The following TERF1 variants were observed in gnomAD, a reference collection of about 807,000 sequenced individuals.
TERF1 encodes telomeric repeat-binding factor 1.
Under a neutral mutation model 55.1 loss-of-function variants are expected in TERF1, and 20 were observed. The ratio of observed to expected loss-of-function variants is 0.36; its 90% CI spans 0.26 to 0.53. The LOEUF (loss-of-function observed/expected upper bound fraction) is 0.53, where lower values mean the gene tolerates loss of function less well. TERF1 is among the 20% of genes least tolerant of loss of function. The pLI, the probability that TERF1 is intolerant of heterozygous loss-of-function variation, is 0.91. For missense variants in TERF1, 439 were observed against 535.7 expected, an observed-to-expected ratio of 0.82 and a Z score of 1.78; for synonymous variants, 168 against 181.2, an observed-to-expected ratio of 0.93 and a Z score of 0.59.
intron 5 of TERF1, 37 bp downstream of exon 5, chr8:73,025,008 TAAAGG>T (rs770740169): frequency 2.4e-6 from 3 of 1,265,512 alleles, no homozygotes; most frequent in South Asian, 1.5e-5. Context: ...ATAATAGACT[TAAAGG>T]AAACGTTATA....
At chr8:73,013,853 T>C in intron 1 of TERF1, 42 bp from the exon 2 acceptor site, 1 of 1,343,406 alleles carries the variant, frequency 7.4e-7, no homozygotes, top group Non-Finnish European at 1.1e-6. Context: ...CACTACTGGA[T>C]CAAGTTTGAT....
intron 8 of TERF1, chr8:73,038,590 G>T (rs2129897561): frequency 6.0e-6 from 1 of 165,746 alleles, no homozygotes; most frequent in South Asian, 2.0e-4. Context: ...GCTAATGAAT[G>T]AAATCCTTTT....
intron 1 of TERF1, 144 bp from the exon 2 acceptor site, chr8:73,013,751 G>A (rs1355803002): frequency 1.8e-6 from 1 of 558,814 alleles, no homozygotes; most frequent in African/African-American, 2.0e-5. Context: ...TTTTTGTTCT[G>A]AATTTTAATC....
At chr8:73,023,096 CA>C (rs1326501642) in intron 4 of TERF1, among the ~76,000 whole-genome samples, 3 of 152,016 alleles carry the variant, frequency 2.0e-5, no homozygotes, top group African/African-American at 7.3e-5. Context: ...GTGTTCAGTA[CA>C]GGTGTAATTT....
chr8:73,029,225 T>C (rs1274394247), intron 6 of TERF1, among the ~76,000 whole-genome samples: 1 of 152,210 alleles, frequency 6.6e-6, no homozygotes, highest in Non-Finnish European at 1.5e-5. Context: ...AATATTTTGC[T>C]CTGATAAAGC....
At chr8:73,025,057 A>C in intron 5 of TERF1, 86 bp downstream of exon 5, 1 of 860,254 alleles carries the variant, frequency 1.2e-6, no homozygotes, top group Non-Finnish European at 1.7e-6. Context: ...AAATCCTTTA[A>C]AATTAATCAG....
intron 8 of TERF1, among the ~76,000 whole-genome samples, chr8:73,037,289 A>G (rs1048803520): frequency 7.3e-6 from 1 of 137,142 alleles, no homozygotes; most frequent in Admixed American, 8.4e-5. Context: ...GAGAAGCTTT[A>G]TCTATCTTAT....
chr8:73,011,192 T>A (rs1359067933), intron 1 of TERF1: 1 of 152,286 alleles, frequency 6.6e-6, no homozygotes, highest in Non-Finnish European at 1.5e-5. Context: ...TTGACTTCTC[T>A]CTGGCTATGA....
chr8:73,028,571 A>ATTTTT lies in TERF1; in HGVS notation c.887+1539_887+1543dup, dbSNP rs59423351. ...GGCTTATAAAGCCTTACGTAGACCC[A>ATTTTT]TTTTTTTTTTTTTTTTTTTTTTTTA... On this transcript the variant is annotated intron_variant, in intron 6 of 9. Transcript: ENST00000276603. Among the ~76,000 whole-genome samples the ATTTTT allele has an allele frequency of 1.6e-3, 168 of 104,406 alleles. 4 individuals carry two copies. The highest frequency in any genetic ancestry group is 5.8e-3 in the African/African-American group (152 of 26,428). 68.5% of individuals were successfully genotyped at this position (104,406 alleles called of 152,430 possible). A position where few individuals can be genotyped will look rare whatever the true frequency, so the allele number is the denominator to read the frequency against.
At chr8:73,035,124 A>G (rs1262268574) in intron 8 of TERF1, among the ~76,000 whole-genome samples, 1 of 152,202 alleles carries the variant, frequency 6.6e-6, no homozygotes, top group African/African-American at 2.4e-5. Context: ...TGATCTGTGT[A>G]AAATAAAGAA....
At chr8:73,040,068 A>G (rs1317051751) in intron 9 of TERF1, among the ~76,000 whole-genome samples, 4 of 149,230 alleles carry the variant, frequency 2.7e-5, no homozygotes, top group African/African-American at 1.0e-4. Flanking sequence ...GATAGTGTCA[A>G]GTTGCACGCT....
intron 9 of TERF1, among the ~76,000 whole-genome samples, chr8:73,039,497 G>A (rs943324809): frequency 1.3e-5 from 2 of 152,158 alleles, no homozygotes; most frequent in East Asian, 1.9e-4. Context: ...ATGTAAGGTG[G>A]GACTTAACTC....
chr8:73,039,815 G>GTGTGTGTGTGTT (rs1315550576), intron 9 of TERF1, among the ~76,000 whole-genome samples: 4 of 139,614 alleles, frequency 2.9e-5, no homozygotes, highest in African/African-American at 1.1e-4. Context: ...GTGTGTGTGT[G>GTGTGTGTGTGTT]TTTCCCCCTT....
chr8:73,037,721 T>TATATTATATATA (rs1809623868), intron 8 of TERF1, among the ~76,000 whole-genome samples: 2 of 87,560 alleles, frequency 2.3e-5, no homozygotes, highest in Non-Finnish European at 4.0e-5. Context: ...ATATATAATA[T>TATATTATATATA]ATATTATATA....
intron 6 of TERF1, among the ~76,000 whole-genome samples, chr8:73,028,341 C>T (rs899560822): frequency 6.6e-6 from 1 of 152,196 alleles, no homozygotes; most frequent in Non-Finnish European, 1.5e-5. Context: ...CCTCACACAT[C>T]CAGCTGCTCT....
chr8:73,034,944 C>T (rs969212656), intron 8 of TERF1, among the ~76,000 whole-genome samples: 2 of 152,014 alleles, frequency 1.3e-5, no homozygotes, highest in African/African-American at 2.4e-5. Context: ...AGATGGACTA[C>T]CTCAGTAGAA....
At chr8:73,044,579 A>T (rs1809961468) in intron 9 of TERF1, among the ~76,000 whole-genome samples, 1 of 152,156 alleles carries the variant, frequency 6.6e-6, no homozygotes, top group Admixed American at 6.6e-5. Flanking sequence ...TGCCATTTTA[A>T]CTATTTTTAA....
intron 1 of TERF1, chr8:73,009,791 T>A: frequency 6.5e-6 from 1 of 152,818 alleles, no homozygotes; most frequent in Non-Finnish European, 1.5e-5. Flanking sequence ...ACTACAGTCC[T>A]GCCTGGGTAA....
At chr8:73,016,272 T>C (rs1209744143) in intron 2 of TERF1, among the ~76,000 whole-genome samples, 2 of 151,030 alleles carry the variant, frequency 1.3e-5, no homozygotes, top group African/African-American at 4.9e-5. Context: ...AGTAATCATG[T>C]ATGGCTAGTA....
Sources: allele counts gnomAD v4.1 joint callset (sites outside exome capture counted in the v4.1 genomes callset), GRCh38; gene constraint gnomAD v4.1.1; transcripts MANE v1.5; gene names NCBI Gene and HGNC (gene_info 2026-07-23, HGNC 2026-07-21).